Variants in KHDRBS2 observed in about 807,000 individuals in gnomAD.
The protein encoded by KHDRBS2 is KH RNA binding domain containing, signal transduction associated 2, also known as KH domain-containing, RNA-binding, signal transduction-associated protein 2.
In KHDRBS2, 26 loss-of-function variants were observed where a neutral mutation model predicts 44.3. The observed-to-expected ratio is 0.59, with a 90% confidence interval of 0.43 to 0.81. The LOEUF is 0.81. Among genes scored for constraint, KHDRBS2 ranks in the 40% least tolerant of loss-of-function variants. KHDRBS2 has a pLI of 0.00. For missense variants in KHDRBS2, 476 were observed against 433.1 expected, an observed-to-expected ratio of 1.10 and a Z score of -0.88; for synonymous variants, 194 against 151.1, an observed-to-expected ratio of 1.28 and a Z score of -2.08.
chr6:61,640,656 T>A, the KHDRBS2 span, among the ~76,000 whole-genome samples: 1,379 of 152,246 alleles, frequency 9.1e-3, 10 homozygotes, highest in Non-Finnish European at 0.014. Context: ...CAAAAGGATT[T>A]ACTCTCTTAT....
chr6:62,095,393 A>G (rs987954855), intron 2 of KHDRBS2, among the ~76,000 whole-genome samples: 4 of 151,822 alleles, frequency 2.6e-5, no homozygotes, highest in African/African-American at 9.7e-5. Context: ...TTAATCTTTT[A>G]TATCATATTT....
At chr6:62,202,387 T>C (rs1203132549) in intron 1 of KHDRBS2, among the ~76,000 whole-genome samples, 1 of 152,118 alleles carries the variant, frequency 6.6e-6, no homozygotes, top group Non-Finnish European at 1.5e-5. Context: ...TCTAAGACAT[T>C]GCTCAATTTT....
chr6:61,837,683 T>C (rs539316945), intron 6 of KHDRBS2, among the ~76,000 whole-genome samples: 31 of 152,040 alleles, frequency 2.0e-4, no homozygotes, highest in Non-Finnish European at 3.5e-4. Flanking sequence ...ACTTTTGTTG[T>C]CGTCTGGTAG....
chr6:61,944,148 C>A (rs971237195), intron 4 of KHDRBS2, among the ~76,000 whole-genome samples: 1 of 152,144 alleles, frequency 6.6e-6, no homozygotes, highest in Non-Finnish European at 1.5e-5. Flanking sequence ...TACAATCAAG[C>A]AATCCCACTA....
At chr6:61,642,496 A>AT in the KHDRBS2 span, among the ~76,000 whole-genome samples, 1 of 4,492 alleles carries the variant, frequency 2.2e-4, no homozygotes, top group Non-Finnish European at 9.8e-4. Flanking sequence ...TTTCTATATT[A>AT]AAAAAAAAAA....
At chr6:61,614,689 C>A in the KHDRBS2 span, among the ~76,000 whole-genome samples, 1 of 152,010 alleles carries the variant, frequency 6.6e-6, no homozygotes, top group Non-Finnish European at 1.5e-5. Context: ...ACAACAGATT[C>A]TTTTACTTTT....
At chr6:61,809,725 A>G (rs1003501319) in intron 6 of KHDRBS2, among the ~76,000 whole-genome samples, 17 of 152,150 alleles carry the variant, frequency 1.1e-4, no homozygotes, top group Non-Finnish European at 2.1e-4. Flanking sequence ...TCTTAGACAC[A>G]TTCTGATCAA....
intron 2 of KHDRBS2, among the ~76,000 whole-genome samples, chr6:62,049,091 CT>C (rs1788398831): frequency 1.3e-5 from 2 of 151,770 alleles, no homozygotes; most frequent in South Asian, 4.1e-4. Context: ...AGAAAGATGT[CT>C]GCTCTTACCC....
chr6:61,698,120 A>G (rs1294137638), intron 7 of KHDRBS2, among the ~76,000 whole-genome samples: 1 of 152,142 alleles, frequency 6.6e-6, no homozygotes, highest in Admixed American at 6.6e-5. Context: ...TTTCACATTC[A>G]ATGGTCAAGA....
At chr6:61,610,929 G>T in the KHDRBS2 span, among the ~76,000 whole-genome samples, 1 of 152,104 alleles carries the variant, frequency 6.6e-6, no homozygotes, top group African/African-American at 2.4e-5. Flanking sequence ...GACCATTCTG[G>T]AAATACTTGG....
chr6:62,228,700 T>A (rs191599303), intron 1 of KHDRBS2, among the ~76,000 whole-genome samples: 25 of 152,314 alleles, frequency 1.6e-4, no homozygotes, highest in African/African-American at 5.3e-4. Flanking sequence ...AACACTGTGT[T>A]AGCTGTGTCC....
chr6:61,742,724 A>C (rs1459501481), intron 6 of KHDRBS2, among the ~76,000 whole-genome samples: 3 of 152,048 alleles, frequency 2.0e-5, no homozygotes, highest in African/African-American at 7.2e-5. Flanking sequence ...AAACCATATG[A>C]GATCATAAAG....
At chr6:61,562,335 A>T in the KHDRBS2 span, among the ~76,000 whole-genome samples, 20 of 152,190 alleles carry the variant, frequency 1.3e-4, 1 homozygote, top group African/African-American at 4.1e-4. Context: ...TTTCCAAGGG[A>T]ATATCTCTGT....
chr6:61,851,436 T>A (rs1795401421), intron 6 of KHDRBS2, among the ~76,000 whole-genome samples: 1 of 152,064 alleles, frequency 6.6e-6, no homozygotes, highest in Non-Finnish European at 1.5e-5. Flanking sequence ...TACCTTACAA[T>A]GTGACTGTAT....
At chr6:61,766,025 A>G (rs1779961380) in intron 6 of KHDRBS2, among the ~76,000 whole-genome samples, 1 of 151,510 alleles carries the variant, frequency 6.6e-6, no homozygotes. Flanking sequence ...TCCGTCCTCT[A>G]TTTTTCTGAA....
chr6:61,894,808 G>A lies in KHDRBS2; in HGVS notation c.637C>T (p.Pro213Ser), dbSNP rs746515273. The A allele has an allele frequency of 1.9e-6, 3 of 1,612,036 alleles. No individual in the cohort carries two copies. Among genetic ancestry groups the A allele is most frequent in the South Asian group, 1.1e-5 (1 of 90,728 alleles). The change falls in exon 6 of 9, where the codon CCC becomes TCC. Residue 213 changes from proline (P) to serine (S), a missense_variant. Transcript: ENST00000281156. ...SRGRGGAIPP[P>S]PPPGRGVLTP... ...AGAACACCTCGTCCAGGTGGTGGGG[G>A]AGGAGGAATGGCACCCCCACGGCCC... is the stretch of plus-strand genomic sequence containing the variant.
At chr6:61,888,706 C>G (rs531079300) in intron 6 of KHDRBS2, among the ~76,000 whole-genome samples, 1 of 151,822 alleles carries the variant, frequency 6.6e-6, no homozygotes, top group Non-Finnish European at 1.5e-5. Flanking sequence ...GAACTACAGG[C>G]GCCCGCCACC....
rs571709850 is a variant in KHDRBS2, at chr6:61,875,159, A to G, written c.810+19476T>C. On this transcript the variant is annotated intron_variant, in intron 6 of 8. Coordinates refer to ENST00000281156, the MANE Select transcript of KHDRBS2 (RefSeq NM_152688.4). Reference sequence around the variant, plus strand: ...AGATCCCATCACAGGTAAATGTGTGAGTTCGTGTGTGTGGGCGTGGTGGGG... The same window carrying G: ...AGATCCCATCACAGGTAAATGTGTGGGTTCGTGTGTGTGGGCGTGGTGGGG... Among the ~76,000 whole-genome samples, 26 of 150,448 alleles carry G rather than the reference A, an allele frequency of 1.7e-4. No individual in the cohort carries two copies. In the South Asian group the frequency reaches 5.5e-3, roughly 32 times the overall value.
At chr6:61,952,450 T>A (rs1764955903) in intron 4 of KHDRBS2, among the ~76,000 whole-genome samples, 1 of 152,090 alleles carries the variant, frequency 6.6e-6, no homozygotes, top group Admixed American at 6.6e-5. Flanking sequence ...TTAGAACTTT[T>A]CACTGAGTGC....
Sources: allele counts gnomAD v4.1 joint callset (sites outside exome capture counted in the v4.1 genomes callset), GRCh38; gene constraint gnomAD v4.1.1; transcripts MANE v1.5; gene names NCBI Gene and HGNC (gene_info 2026-07-23, HGNC 2026-07-21).